The following PRKCQ variants were observed in gnomAD, a reference collection of about 807,000 sequenced individuals.
PRKCQ encodes protein kinase C theta type.
PRKCQ carries 41 observed loss-of-function variants against 91.2 expected under a neutral mutation model. That is an observed-to-expected ratio of 0.45 (90% CI 0.35 to 0.58). The LOEUF is 0.58. Among genes scored for constraint, PRKCQ ranks in the 20% least tolerant of loss-of-function variants. The pLI is 0.00. For synonymous variants in PRKCQ, 307 were observed against 316.9 expected, an observed-to-expected ratio of 0.97 and a Z score of 0.33; for missense variants, 673 against 896.5, an observed-to-expected ratio of 0.75 and a Z score of 3.18.
At chr10:6,474,399 C>T (rs1005074274) in intron 12 of PRKCQ, among the ~76,000 whole-genome samples, 3 of 152,214 alleles carry the variant, frequency 2.0e-5, no homozygotes, top group South Asian at 4.1e-4. Flanking sequence ...TGTCAGAATA[C>T]AGATCGGCCT....
Position 6,462,385 on chromosome 10 carries a change from G to T in PRKCQ, c.1446-20C>A. ...TAAAACCTGGGGGAAGGAGAACCAA[G>T]GTTCAACATGAATGTTGTCATGGAA... On this transcript the variant is annotated intron_variant, in intron 13 of 17. Coordinates refer to ENST00000263125, the MANE Select transcript of PRKCQ (RefSeq NM_006257.5). 5 of 1,610,384 alleles carry T rather than the reference G, an allele frequency of 3.1e-6. No homozygotes were observed. Among genetic ancestry groups the T allele is most frequent in the Non-Finnish European group, 4.2e-6 (5 of 1,177,470 alleles).
intron 1 of PRKCQ, among the ~76,000 whole-genome samples, chr10:6,569,643 G>A (rs1008717765): frequency 2.0e-5 from 3 of 152,148 alleles, no homozygotes; most frequent in Non-Finnish European, 2.9e-5. Context: ...GAGGTGGTGG[G>A]AGTGTGACAG....
chr10:6,481,014 G>C (rs750221527), intron 11 of PRKCQ, among the ~76,000 whole-genome samples: 2 of 152,200 alleles, frequency 1.3e-5, no homozygotes, highest in Non-Finnish European at 2.9e-5. Flanking sequence ...CCAGAAGAGA[G>C]AGAAAAGACA....
At chr10:6,558,516 AT>A (rs1840505417) in intron 1 of PRKCQ, among the ~76,000 whole-genome samples, 1 of 152,256 alleles carries the variant, frequency 6.6e-6, no homozygotes, top group South Asian at 2.1e-4. Context: ...GAAAACTGAG[AT>A]AAAAGATACA....
chr10:6,483,828 C>CT (rs1029451358), intron 10 of PRKCQ, among the ~76,000 whole-genome samples: 1 of 152,198 alleles, frequency 6.6e-6, no homozygotes, highest in African/African-American at 2.4e-5. Context: ...GGAGTGTGGA[C>CT]TATGTCTCTT....
intron 1 of PRKCQ, among the ~76,000 whole-genome samples, chr10:6,554,866 T>G (rs2130942547): frequency 6.6e-6 from 1 of 152,096 alleles, no homozygotes; most frequent in Middle Eastern, 3.4e-3. Flanking sequence ...GCAACACCAT[T>G]AACAACAGCA....
chr10:6,463,750 A>G (rs1835482330), intron 13 of PRKCQ, among the ~76,000 whole-genome samples: 1 of 152,194 alleles, frequency 6.6e-6, no homozygotes, highest in Non-Finnish European at 1.5e-5. Context: ...GGGGAGCAGG[A>G]AGTGGGACCC....
chr10:6,412,885 C>T, the PRKCQ span, among the ~76,000 whole-genome samples: 2 of 152,254 alleles, frequency 1.3e-5, no homozygotes, highest in African/African-American at 2.4e-5. Flanking sequence ...TTGCTGCCTT[C>T]CACAATCACT....
At chr10:6,468,821 C>A (rs922100595) in intron 12 of PRKCQ, among the ~76,000 whole-genome samples, 2 of 152,078 alleles carry the variant, frequency 1.3e-5, no homozygotes, top group African/African-American at 4.8e-5. Context: ...GTTACAACAG[C>A]GAAGACTGTA....
chr10:6,399,192 G>A, the PRKCQ span, among the ~76,000 whole-genome samples: 1 of 152,170 alleles, frequency 6.6e-6, no homozygotes, highest in Non-Finnish European at 1.5e-5. Flanking sequence ...AAGCCATAGT[G>A]TCCCCACAAG....
At chr10:6,563,975 G>A (rs937611641) in intron 1 of PRKCQ, among the ~76,000 whole-genome samples, 1 of 152,148 alleles carries the variant, frequency 6.6e-6, no homozygotes, top group Non-Finnish European at 1.5e-5. Flanking sequence ...AGGTCTCAGG[G>A]GTTAGCAAAG....
intron 1 of PRKCQ, among the ~76,000 whole-genome samples, chr10:6,525,495 C>A (rs1043571538): frequency 2.0e-5 from 3 of 152,136 alleles, no homozygotes; most frequent in Non-Finnish European, 4.4e-5. Context: ...CTAATAATCC[C>A]ACCTCGCCGT....
Position 6,498,442 on chromosome 10 carries a change from A to C in PRKCQ, c.496T>G (p.Phe166Val), listed in dbSNP as rs773250417. 6.2e-7 allele frequency: 1 copy of C among 1,614,224 alleles called. No individual in the cohort carries two copies. The highest frequency in any genetic ancestry group is 8.5e-7 in the Non-Finnish European group (1 of 1,180,046). Reference sequence around the variant, plus strand: ...GAGCAAAATGTGGGCTGTGGGAAGAAGGTGGCAGTGAACTCGTGGCACTTG... The same window carrying C: ...GAGCAAAATGTGGGCTGTGGGAAGACGGTGGCAGTGAACTCGTGGCACTTG... The part of the protein sequence containing the change: ...HVKCHEFTAT[F>V]FPQPTFCSVC... Residue 166 changes from phenylalanine to valine, a missense_variant, in exon 5 of 18, where the codon TTC (phenylalanine) becomes GTC (valine). Phe to Val is a conservative substitution (Grantham distance 50, BLOSUM62 -1). Transcript: ENST00000263125.
intron 1 of PRKCQ, among the ~76,000 whole-genome samples, chr10:6,526,063 G>C (rs986938092): frequency 6.6e-6 from 1 of 152,236 alleles, no homozygotes; most frequent in South Asian, 2.1e-4. Flanking sequence ...GAGTTAATAT[G>C]TATAAAACAG....
intron 12 of PRKCQ, 35 bp downstream of exon 12, chr10:6,478,957 G>A (rs377413338): frequency 1.7e-5 from 27 of 1,609,980 alleles, no homozygotes; most frequent in Non-Finnish European, 2.2e-5. Flanking sequence ...AGACAGGTTA[G>A]AGGGGAGGTA....
chr10:6,522,461 C>G (rs771959757), intron 1 of PRKCQ, among the ~76,000 whole-genome samples: 7 of 152,132 alleles, frequency 4.6e-5, no homozygotes, highest in Non-Finnish European at 8.8e-5. Flanking sequence ...TAGGCTGATT[C>G]ACCCTCCACA....
the PRKCQ span, among the ~76,000 whole-genome samples, chr10:6,397,156 G>A: frequency 1.3e-5 from 2 of 152,094 alleles, no homozygotes; most frequent in Non-Finnish European, 2.9e-5. Flanking sequence ...GAGTGCAGTG[G>A]CATGATCTCA....
In PRKCQ at chr10:6,514,442, C is replaced by T. The variant is rs201745389; in HGVS notation, c.118+576G>A. Among the ~76,000 whole-genome samples the T allele has an allele frequency of 2.6e-4, 39 of 152,230 alleles. 1 individual carries two copies. The East Asian group carries it at 7.5e-3, about 29-fold the overall frequency. On this transcript the variant is annotated intron_variant, in intron 2 of 17. Transcript: ENST00000263125. ...GGACGTTGGGTGGCTGTCCCACTTT[C>T]CCCCTCACCTTGAGCTGCCTGTATT...
intron 1 of PRKCQ, among the ~76,000 whole-genome samples, chr10:6,562,275 C>G (rs1006007908): frequency 1.2e-4 from 18 of 152,180 alleles, no homozygotes; most frequent in African/African-American, 4.1e-4. Flanking sequence ...CATCTCCTGT[C>G]TCCCTCACAA....
Sources: allele counts gnomAD v4.1 joint callset (sites outside exome capture counted in the v4.1 genomes callset), GRCh38; gene constraint gnomAD v4.1.1; transcripts MANE v1.5; gene names NCBI Gene and HGNC (gene_info 2026-07-23, HGNC 2026-07-21).